Variants in ZNF268 observed in about 807,000 individuals in gnomAD.
ZNF268 encodes the protein zinc finger protein 3.
ZNF268 carries 20 observed loss-of-function variants against 29.3 expected under a neutral mutation model. The ratio of observed to expected loss-of-function variants is 0.68; its 90% CI spans 0.48 to 0.99. The LOEUF (loss-of-function observed/expected upper bound fraction) is 0.99. Among genes scored for constraint, ZNF268 ranks in the 50% least tolerant of loss-of-function variants. The probability of loss-of-function intolerance (pLI) is 0.00; values close to 1 mark genes in which losing one functional copy is unlikely to be tolerated. For missense variants in ZNF268, 1,240 were observed against 1,121.6 expected (o/e 1.11, Z -1.51); for synonymous variants, 429 against 376.9 (o/e 1.14, Z -1.60).
rs1956868162 is a variant in ZNF268, at chr12:133,205,142, T to A, written c.*612T>A. 1.8e-5 allele frequency: 1 copy of A among 56,732 alleles called. No individual in the cohort carries two copies. Among genetic ancestry groups the A allele is most frequent in the Non-Finnish European group, 4.1e-5 (1 of 24,182 alleles). The allele number at this position is 56,732 out of a possible 1,614,324, so 3.5% of individuals were successfully genotyped here. A position where few individuals can be genotyped will look rare whatever the true frequency, so the allele number is the denominator to read the frequency against. On this transcript the variant is annotated 3_prime_UTR_variant, in exon 6 of 6. Coordinates refer to ENST00000536435, the MANE Select transcript of ZNF268 (RefSeq NM_003415.3). Reference sequence around the variant, plus strand: ...GTTAACCTCACCTTAGAAGCTTCATTCTAAAAAAAAAAAAAAAAAAAAAAA... The same window carrying A: ...GTTAACCTCACCTTAGAAGCTTCATACTAAAAAAAAAAAAAAAAAAAAAAA...
chr12:133,197,947 T>G (rs1388526304), intron 5 of ZNF268, among the ~76,000 whole-genome samples: 2 of 152,224 alleles, frequency 1.3e-5, no homozygotes, highest in Non-Finnish European at 2.9e-5. Context: ...CTTTGTCAGA[T>G]GAGCAGGTTG....
At chr12:133,191,791 C>T in intron 4 of ZNF268, 117 bp from the exon 5 acceptor site, 1 of 1,465,120 alleles carries the variant, frequency 6.8e-7, no homozygotes, top group Non-Finnish European at 9.5e-7. Flanking sequence ...TTTACTTTGC[C>T]AAATTGCAAA....
rs1175521570 is a variant in ZNF268, at chr12:133,211,672, T to C, written c.*7142T>C. On this transcript the variant is annotated 3_prime_UTR_variant, in exon 6 of 6. Coordinates refer to ENST00000536435, the MANE Select transcript of ZNF268 (RefSeq NM_003415.3). ...CACTTGTCATGAGGGAAAAGCAAAT[T>C]AAAACAACGAGATAGCACCGCACAT... 2.0e-5 allele frequency: 3 copies of C among 152,132 alleles called. No individual in the cohort carries two copies. The highest frequency in any genetic ancestry group is 7.3e-5 in the African/African-American group (3 of 41,312). 9.4% of individuals were successfully genotyped at this position (152,132 alleles called of 1,614,324 possible).
Position 133,204,711 on chromosome 12 carries a change from A to G in ZNF268, c.*181A>G, listed in dbSNP as rs570704990. 32 of 502,702 alleles carry G rather than the reference A, an allele frequency of 6.4e-5. No homozygotes were observed. The highest frequency in any genetic ancestry group is 5.7e-4 in the African/African-American group (29 of 50,862). The allele number at this position is 502,702 out of a possible 1,614,324, so 31.1% of individuals were successfully genotyped here. ...AAAGCTGTTCTTTACATGCAAAAAG[A>G]TAGTAGACAATACACAGGAAAACTG... On this transcript the variant is annotated 3_prime_UTR_variant, in exon 6 of 6. Transcript: ENST00000536435.
intron 3 of ZNF268, among the ~76,000 whole-genome samples, chr12:133,190,190 T>C (rs982478101): frequency 2.6e-5 from 4 of 152,240 alleles, no homozygotes; most frequent in African/African-American, 4.8e-5. Context: ...ACCAAATTTA[T>C]GTGCGCAGAG....
Position 133,205,175 on chromosome 12 carries a change from C to CAAAAAAAA in ZNF268, c.*647_*648insAAAAAAAA, listed in dbSNP as rs1343948566. On this transcript the variant is annotated 3_prime_UTR_variant, in exon 6 of 6. Coordinates refer to ENST00000536435, the MANE Select transcript of ZNF268 (RefSeq NM_003415.3). Reference sequence around the variant, plus strand: ...AAAAAAAAAAAAAAAAAAAAAAAACCAACCTGTTATTATATCTTAATATTA... The same window carrying CAAAAAAAA: ...AAAAAAAAAAAAAAAAAAAAAAAACCAAAAAAAAAACCTGTTATTATATCTTAATATTA... 4.6e-5 allele frequency: 1 copy of CAAAAAAAA among 21,792 alleles called. No homozygotes were observed. The allele number at this position is 21,792 out of a possible 1,614,324, so 1.3% of individuals were successfully genotyped here. A position where few individuals can be genotyped will look rare whatever the true frequency, so the allele number is the denominator to read the frequency against.
rs748525383 is a variant in ZNF268, at chr12:133,202,249, GTCT to G, written c.568_570del (p.Leu190del). On this transcript the variant is annotated inframe_deletion, in exon 6 of 6. Coordinates refer to ENST00000536435, the MANE Select transcript of ZNF268 (RefSeq NM_003415.3). ...GAATGCACTACATTTGGAAAACTATGTCTTCTTAGTACAAAGTATCTTTCAAGA... is the reference window on the plus strand; with the variant it reads ...GAATGCACTACATTTGGAAAACTATGTCTTAGTACAAAGTATCTTTCAAGA... The G allele has an allele frequency of 3.7e-6, 6 of 1,612,264 alleles. No homozygotes were observed. The highest frequency in any genetic ancestry group is 2.2e-5 in the East Asian group (1 of 44,848).
In ZNF268 at chr12:133,191,978, C is replaced by G; in HGVS notation, c.432C>G (p.Ala144=). 1.2e-6 allele frequency: 2 copies of G among 1,613,706 alleles called. No homozygotes were observed. The highest frequency in any genetic ancestry group is 1.3e-5 in the African/African-American group (1 of 75,018). ...EQGEELCMVQ[A]QVPNQTCPNT... is the part of the protein sequence containing the mutation. ...GAGAAGAGCTGTGTATGGTGCAGGC[C>G]CAAGTTCCAAATCAGACCTGTCCAA... Residue 144 remains alanine, a synonymous_variant, in exon 5 of 6, where the codon GCC becomes GCG. Transcript: ENST00000536435.
At position 133,192,092 on chromosome 12, in the gene ZNF268, G is replaced by A. The variant is rs563497862; in HGVS notation, c.457+89G>A. The A allele has an allele frequency of 4.6e-5, 49 of 1,076,436 alleles. No homozygotes were observed. In the South Asian group the frequency reaches 6.0e-4, roughly 13 times the overall value. The allele number at this position is 1,076,436 out of a possible 1,614,324, so 66.7% of individuals were successfully genotyped here. A position where few individuals can be genotyped will look rare whatever the true frequency, so the allele number is the denominator to read the frequency against. On this transcript the variant is annotated intron_variant, in intron 5 of 5. Coordinates refer to ENST00000536435, the MANE Select transcript of ZNF268 (RefSeq NM_003415.3). The stretch of plus-strand genomic sequence containing the variant: ...GCTCCTCTTGTTTGTACTTTGCCTC[G>A]TGTATTACCATGCACTTTTTTTTTT...
At position 133,203,372 on chromosome 12, in the gene ZNF268, G is replaced by A. The variant is rs1956805707; in HGVS notation, c.1686G>A (p.Gly562=). 1 of 1,548,924 alleles carries A rather than the reference G, an allele frequency of 6.5e-7. No individual in the cohort carries two copies. Among genetic ancestry groups the A allele is most frequent in the African/African-American group, 1.4e-5 (1 of 73,268 alleles). Residue 562 remains glycine, a synonymous_variant, in exon 6 of 6, where the codon GGG becomes GGA. Transcript: ENST00000536435. ...GENPYECHEC[G]KAFSRKYQLI... is the part of the protein sequence containing the mutation. ...ACCCCTATGAATGCCATGAATGTGG[G>A]AAAGCCTTCAGTCGGAAATACCAGC...
In ZNF268 at chr12:133,202,710, A is replaced by C. The variant is rs767710370; in HGVS notation, c.1024A>C (p.Ser342Arg). The C allele has an allele frequency of 6.2e-7, 1 of 1,611,592 alleles. No homozygotes were observed. Among genetic ancestry groups the C allele is most frequent in the Non-Finnish European group, 8.5e-7 (1 of 1,178,870 alleles). Residue 342 changes from serine (S) to arginine (R), a missense_variant, in exon 6 of 6, where the codon AGT becomes CGT. Transcript: ENST00000536435. ...HECSECRKTF[S>R]FHSQLVIHQR... The stretch of plus-strand genomic sequence containing the variant: ...ATGCAGTGAATGCAGGAAAACATTC[A>C]GTTTCCATTCACAGCTTGTTATACA...
chr12:133,196,319 TAAAAA>T (rs58218652), intron 5 of ZNF268, among the ~76,000 whole-genome samples: 20,615 of 100,708 alleles, frequency 0.2, 1,914 homozygotes, highest in South Asian at 0.32. Context: ...AGACTCCATC[TAAAAA>T]AAAAAAAAAA....
rs1396609830 is a variant in ZNF268 at position 133,203,026 on chromosome 12, G to A, written c.1340G>A (p.Ser447Asn). 2.6e-6 allele frequency: 4 copies of A among 1,544,220 alleles called. No homozygotes were observed. Among genetic ancestry groups the A allele is most frequent in the Admixed American group, 1.9e-5 (1 of 51,338 alleles). The change falls in exon 6 of 6, where the codon AGT (serine) becomes AAT (asparagine). Residue 447 changes from serine to asparagine, a missense_variant. Physicochemically the swap from Ser to Asn is conservative, Grantham distance 46. This residue lies in a region of ZNF268 where 1,177 missense variants were observed against 1,039.6 expected (regional missense o/e 1.13). Coordinates refer to ENST00000536435, the MANE Select transcript of ZNF268 (RefSeq NM_003415.3). ...ACAGGGGAGAAACCTTATGTTTGTA[G>A]TGATTGTGGAAAAGCCTTTACATTC... Reference protein sequence around the residue: ...THTGEKPYVCSDCGKAFTFKS... With the variant: ...THTGEKPYVCNDCGKAFTFKS...
In ZNF268 at chr12:133,188,031, CTGTT is replaced by C. The variant is rs1225187252; in HGVS notation, c.195_198del (p.Ile67ProfsTer31). ...CAGAATAGAGAAAGTCCTAGAGTGG[CTGTT>C]TATTTCCCAAGAGCAGCCAAAAATC... On this transcript the variant is annotated frameshift_variant, in exon 3 of 6. Transcript: ENST00000536435. LOFTEE classifies it high-confidence loss of function. The C allele has an allele frequency of 6.3e-7, 1 of 1,595,008 alleles. No homozygotes were observed. The highest frequency in any genetic ancestry group is 8.5e-7 in the Non-Finnish European group (1 of 1,170,500).
chr12:133,191,000 T>C (rs77802295), intron 3 of ZNF268, among the ~76,000 whole-genome samples: 8,104 of 152,130 alleles, frequency 0.053, 706 homozygotes, highest in African/African-American at 0.18. Context: ...CACTCTTGTA[T>C]AGGTGGTTTC....
chr12:133,204,221 C>A lies in ZNF268; in HGVS notation c.2535C>A (p.Phe845Leu). 1 of 1,541,204 alleles carries A rather than the reference C, an allele frequency of 6.5e-7. No homozygotes were observed. The highest frequency in any genetic ancestry group is 8.7e-7 in the Non-Finnish European group (1 of 1,147,664). Residue 845 changes from phenylalanine to leucine, a missense_variant, in exon 6 of 6, where the codon TTC (phenylalanine) becomes TTA (leucine). Physicochemically the swap from Phe to Leu is conservative, Grantham distance 22 (BLOSUM62 0). This residue lies in a region of ZNF268 where 1,177 missense variants were observed against 1,039.6 expected (regional missense o/e 1.13). Coordinates refer to ENST00000536435, the MANE Select transcript of ZNF268 (RefSeq NM_003415.3). ...AATGCAGTCAATGTGAGAAATCCTTCAGTGGGAAATTACGCCTTCTTGTAC... is the reference window on the plus strand; with the variant it reads ...AATGCAGTCAATGTGAGAAATCCTTAAGTGGGAAATTACGCCTTCTTGTAC... The part of the protein sequence containing the change: ...PYKCSQCEKS[F>L]SGKLRLLVHQ...
chr12:133,200,289 C>A (rs996122674), intron 5 of ZNF268, among the ~76,000 whole-genome samples: 1 of 152,020 alleles, frequency 6.6e-6, no homozygotes, highest in African/African-American at 2.4e-5. Context: ...TTATGTACCC[C>A]ATAGTCATTC....
At chr12:133,182,148 C>A in intron 2 of ZNF268, 118 bp downstream of exon 2, 3 of 946,208 alleles carry the variant, frequency 3.2e-6, no homozygotes, top group Non-Finnish European at 4.8e-6. Flanking sequence ...CTCTTTTAGG[C>A]AACTGGATCG....
rs1037925418 is a variant in ZNF268 at position 133,203,680 on chromosome 12, T to G, written c.1994T>G (p.Val665Gly). 16 of 1,548,168 alleles carry G rather than the reference T, an allele frequency of 1.0e-5. No individual in the cohort carries two copies. The highest frequency in any genetic ancestry group is 1.2e-5 in the Non-Finnish European group (14 of 1,152,366). The change falls in exon 6 of 6, where the codon GTA (valine) becomes GGA (glycine). Residue 665 changes from valine to glycine, a missense_variant. This residue lies in a region of ZNF268 where 1,177 missense variants were observed against 1,039.6 expected (regional missense o/e 1.13). Transcript: ENST00000536435. ...LIVHKGVHTG[V>G]KPYGCSQCAK... ...GTACATAAAGGAGTGCACACTGGAGTAAAACCCTATGGATGCAGTCAATGT... is the reference window on the plus strand; with the variant it reads ...GTACATAAAGGAGTGCACACTGGAGGAAAACCCTATGGATGCAGTCAATGT...
Sources: allele counts gnomAD v4.1 joint callset (sites outside exome capture counted in the v4.1 genomes callset), GRCh38; gene constraint gnomAD v4.1.1; regional missense constraint gnomAD v4.1.1; transcripts MANE v1.5; gene names NCBI Gene and HGNC (gene_info 2026-07-23, HGNC 2026-07-21).